JAKMIP3: variants seen among roughly 807,000 people sequenced by gnomAD.
JAKMIP3 encodes Janus kinase and microtubule interacting protein 3.
In JAKMIP3, 58 loss-of-function variants were observed where a neutral mutation model predicts 118.5. The ratio of observed to expected loss-of-function variants is 0.49; its 90% CI spans 0.40 to 0.61. The LOEUF is 0.61. Among genes scored for constraint, JAKMIP3 ranks in the 20% least tolerant of loss-of-function variants. JAKMIP3 has a pLI of 0.00. For synonymous variants in JAKMIP3, 486 were observed against 451.2 expected, an observed-to-expected ratio of 1.08 and a Z score of -0.98; for missense variants, 950 against 1,109.0, an observed-to-expected ratio of 0.86 and a Z score of 2.04.
chr10:132,071,876 C>CTTTCTTTCCTTTCTTTCTTTCCTTTCT (rs202017307), intron 1 of JAKMIP3, among the ~76,000 whole-genome samples: 76 of 41,790 alleles, frequency 1.8e-3, no homozygotes, highest in African/African-American at 4.4e-3. Context: ...TCTTTCTTTC[C>CTTTCTTTCCTTTCTTTCTTTCCTTTCT]TTCCTTTCTT....
intron 3 of JAKMIP3, 145 bp from the exon 4 acceptor site, chr10:132,133,167 C>T (rs1171030523): frequency 1.1e-5 from 8 of 703,046 alleles, no homozygotes; most frequent in Non-Finnish European, 1.7e-5. Context: ...CAGCCCAGGG[C>T]CACGGGCTCC....
At chr10:132,164,783 G>A (rs2058723398) in intron 21 of JAKMIP3, 48 bp downstream of exon 21, 1 of 1,317,218 alleles carries the variant, frequency 7.6e-7, no homozygotes, top group Non-Finnish European at 1.1e-6. Flanking sequence ...TCAAGGGAGA[G>A]GAACCCGGTG....
At chr10:132,089,825 G>C (rs989582753) in intron 1 of JAKMIP3, among the ~76,000 whole-genome samples, 1 of 152,158 alleles carries the variant, frequency 6.6e-6, no homozygotes, top group Non-Finnish European at 1.5e-5. Flanking sequence ...TGCCCATTCA[G>C]TATGATATTG....
chr10:132,140,731 G>A (rs960570455), intron 10 of JAKMIP3, among the ~76,000 whole-genome samples, 152 bp downstream of exon 10: 26 of 152,290 alleles, frequency 1.7e-4, no homozygotes, highest in Non-Finnish European at 3.5e-4. Flanking sequence ...GAAGCCCTTC[G>A]CGGCCCTCAC....
At chr10:132,181,680 C>T (rs1304103394) in intron 23 of JAKMIP3, 1 of 152,264 alleles carries the variant, frequency 6.6e-6, no homozygotes, top group Non-Finnish European at 1.5e-5. Context: ...ATTTTTCATT[C>T]TGTTTGAGGT....
chr10:132,147,009 C>T (rs1245638129), intron 13 of JAKMIP3, among the ~76,000 whole-genome samples: 2 of 152,218 alleles, frequency 1.3e-5, no homozygotes, highest in Non-Finnish European at 2.9e-5. Flanking sequence ...GACATGCACA[C>T]AGAGATGCTG....
At chr10:132,159,614 C>T (rs1337755829) in intron 19 of JAKMIP3, among the ~76,000 whole-genome samples, 1 of 82,222 alleles carries the variant, frequency 1.2e-5, no homozygotes, top group African/African-American at 5.0e-5. Context: ...CTATGTGATG[C>T]TGGGGGTCCT....
intron 1 of JAKMIP3, among the ~76,000 whole-genome samples, chr10:132,097,860 TTCCTTCC>T (rs1423719510): frequency 2.4e-4 from 6 of 24,936 alleles, no homozygotes; most frequent in African/African-American, 6.1e-4. Flanking sequence ...GAGATTGCCC[TTCCTTCC>T]TTCCTTCCTT....
chr10:132,064,671 C>T (rs1426439058), upstream of JAKMIP3, among the ~76,000 whole-genome samples: 1 of 152,146 alleles, frequency 6.6e-6, no homozygotes, highest in African/African-American at 2.4e-5. This position sits in a 1 kb window ranked among gnomAD's most constrained non-coding sequence, Gnocchi z 4.4. Context: ...ACATGTGACC[C>T]TTGGAGGGTT....
intron 1 of JAKMIP3, among the ~76,000 whole-genome samples, chr10:132,074,328 A>G (rs1418766268): frequency 1.3e-5 from 2 of 152,254 alleles, no homozygotes; most frequent in Admixed American, 1.3e-4. Flanking sequence ...CTGGGATTAC[A>G]GGTGTGGGCC....
intron 2 of JAKMIP3, among the ~76,000 whole-genome samples, chr10:132,113,882 G>A (rs985356203): frequency 6.6e-6 from 1 of 152,230 alleles, no homozygotes; most frequent in Non-Finnish European, 1.5e-5. Flanking sequence ...TAAATCCATG[G>A]CCACGTGTGT....
Position 132,048,667 on chromosome 10 carries a change from CT to C in JAKMIP3, c.-138+11944del, listed in dbSNP as rs35729418. ...AATTCCAGGCTTGACTGTTTCTTTT[CT>C]TTTTTTTTTTTTTTGAGATGGAGTC... On this transcript the variant is annotated intron_variant, in intron 1 of 23. Transcript: ENST00000657785. 5.6e-3 allele frequency among the ~76,000 whole-genome samples: 730 copies of C among 129,752 alleles called. 2 individuals carry two copies. Among genetic ancestry groups the C allele is most frequent in the Non-Finnish European group, 9.6e-3 (604 of 63,112 alleles). 85.1% of individuals were successfully genotyped at this position (129,752 alleles called of 152,430 possible).
Position 132,112,268 on chromosome 10 carries a change from G to A in JAKMIP3, c.136-4809G>A, listed in dbSNP as rs530749105. ...GTGCCTGCTGTCCCGCGGGGCACAC[G>A]GGCCTCAGGTGTGGGAGCGGGGTCT... On this transcript the variant is annotated intron_variant, in intron 2 of 23. Transcript: ENST00000684848. The surrounding 1 kb of genome is among the most constrained non-coding windows in gnomAD (Gnocchi z 4.3). Among the ~76,000 whole-genome samples the A allele has an allele frequency of 5.1e-4, 78 of 152,058 alleles. No homozygotes were observed. Among genetic ancestry groups the A allele is most frequent in the African/African-American group, 6.7e-4 (28 of 41,532 alleles).
At chr10:132,171,648 CTTTCTTTT>C (rs1389154514) in intron 23 of JAKMIP3, among the ~76,000 whole-genome samples, 59 of 125,588 alleles carry the variant, frequency 4.7e-4, no homozygotes, top group Admixed American at 2.9e-3. Flanking sequence ...TTATTTTTTT[CTTTCTTTT>C]TTTTTTTTTT....
chr10:132,165,652 C>T (rs2058822485), intron 21 of JAKMIP3, among the ~76,000 whole-genome samples: 1 of 152,214 alleles, frequency 6.6e-6, no homozygotes. Flanking sequence ...CCCACAGATG[C>T]TCTGCAATTG....
chr10:132,103,688 A>C (rs1300863782), intron 1 of JAKMIP3, among the ~76,000 whole-genome samples: 1 of 152,058 alleles, frequency 6.6e-6, no homozygotes, highest in Non-Finnish European at 1.5e-5. Context: ...TGCCTACACC[A>C]GGTCCCTAGT....
chr10:132,093,506 C>T (rs777937146), intron 1 of JAKMIP3, among the ~76,000 whole-genome samples: 9 of 152,146 alleles, frequency 5.9e-5, no homozygotes, highest in Non-Finnish European at 8.8e-5. Flanking sequence ...TAGCAATGAG[C>T]GAGGCTCCGT....
intron 1 of JAKMIP3, among the ~76,000 whole-genome samples, chr10:132,092,729 C>T (rs1005173835): frequency 6.6e-6 from 1 of 152,154 alleles, no homozygotes; most frequent in Non-Finnish European, 1.5e-5. Flanking sequence ...TCATTTAGCT[C>T]GGAGAAGTTT....
rs567138551 is a variant in JAKMIP3, at chr10:132,112,720, G to A, written c.136-4357G>A. Among the ~76,000 whole-genome samples, 4 of 152,222 alleles carry A rather than the reference G, an allele frequency of 2.6e-5. No homozygotes were observed. In the South Asian group the frequency reaches 8.3e-4, roughly 32 times the overall value. ...AGTTCCCATGAAGGGTCTGGGATTC[G>A]GATTCTCCTTGTCCACAGCCACGTG... On this transcript the variant is annotated intron_variant, in intron 2 of 23. Coordinates refer to ENST00000684848, the MANE Select transcript of JAKMIP3 (RefSeq NM_001323087.2). This position sits in a 1 kb window ranked among gnomAD's most constrained non-coding sequence, Gnocchi z 4.3.
Sources: gnomAD v4.1 joint callset for allele counts (sites outside exome capture counted in the v4.1 genomes callset) on GRCh38, gnomAD v4.1.1 for gene constraint, Gnocchi (gnomAD v3.1) non-coding constraint, MANE v1.5 for transcripts, NCBI Gene and HGNC (gene_info 2026-07-23, HGNC 2026-07-21) for gene names.